The following CSNK1G1 variants were observed in gnomAD, a reference collection of about 807,000 sequenced individuals.
CSNK1G1 encodes the protein casein kinase 1 gamma 1.
In CSNK1G1, 22 loss-of-function variants were observed where a neutral mutation model predicts 59.6. The ratio of observed to expected loss-of-function variants is 0.37; its 90% CI spans 0.26 to 0.53. The LOEUF is 0.53. Among genes scored for constraint, CSNK1G1 ranks in the 20% least tolerant of loss-of-function variants. CSNK1G1 has a pLI of 0.89. For synonymous variants in CSNK1G1, 179 were observed against 177.1 expected, an observed-to-expected ratio of 1.01 and a Z score of -0.08; for missense variants, 384 against 519.5, an observed-to-expected ratio of 0.74 and a Z score of 2.54.
At chr15:64,201,271 C>CA (rs545719275) in intron 10 of CSNK1G1, among the ~76,000 whole-genome samples, 2,918 of 64,262 alleles carry the variant, frequency 0.045, 79 homozygotes, top group African/African-American at 0.06. Flanking sequence ...GACACTGTCT[C>CA]AAAAAAAAAA....
In CSNK1G1 at chr15:64,231,448, C is replaced by T. The variant is rs575806855; in HGVS notation, c.293-14735G>A. Among the ~76,000 whole-genome samples the T allele has an allele frequency of 9.9e-5, 14 of 141,810 alleles. No homozygotes were observed. The East Asian group carries it at 2.0e-3, about 20-fold the overall frequency. The allele number at this position is 141,810 out of a possible 152,430, so 93.0% of individuals were successfully genotyped here. On this transcript the variant is annotated intron_variant, in intron 4 of 11. Transcript: ENST00000303052. ...ATATATTAGGATATATATATATATA[C>T]ACACACACATATACATATATATATT...
In CSNK1G1 at chr15:64,251,481, T is replaced by C. The variant is rs748948494; in HGVS notation, c.292+31A>G. Reference sequence around the variant, plus strand: ...TAGGGCTTCCAGCTAAGATACATACTAAGTAAGTGGAGAGAAAAGACTTGA... The same window carrying C: ...TAGGGCTTCCAGCTAAGATACATACCAAGTAAGTGGAGAGAAAAGACTTGA... On this transcript the variant is annotated intron_variant, in intron 4 of 11. Transcript: ENST00000303052. 2 of 1,525,930 alleles carry C rather than the reference T, an allele frequency of 1.3e-6. No individual in the cohort carries two copies. The highest frequency in any genetic ancestry group is 1.8e-6 in the Non-Finnish European group (2 of 1,107,382). 94.5% of individuals were successfully genotyped at this position (1,525,930 alleles called of 1,614,324 possible).
intron 1 of CSNK1G1, among the ~76,000 whole-genome samples, chr15:64,354,479 T>C (rs1273351868): frequency 3.9e-5 from 6 of 152,256 alleles, no homozygotes; most frequent in Non-Finnish European, 8.8e-5. Flanking sequence ...CTATAAAATA[T>C]ATTTTGCTCA....
chr15:64,344,377 T>C (rs1897833240), intron 1 of CSNK1G1, among the ~76,000 whole-genome samples: 1 of 152,216 alleles, frequency 6.6e-6, no homozygotes. Context: ...CAGAATTCCA[T>C]TGTTGCTTTA....
At chr15:64,327,749 CA>C (rs1335204675) in intron 1 of CSNK1G1, among the ~76,000 whole-genome samples, 2 of 144,478 alleles carry the variant, frequency 1.4e-5, no homozygotes, top group Non-Finnish European at 3.0e-5. Flanking sequence ...ACATTCAAAC[CA>C]AAGGCAAAGA....
At chr15:64,333,684 C>T (rs1407404217) in intron 1 of CSNK1G1, among the ~76,000 whole-genome samples, 1 of 152,022 alleles carries the variant, frequency 6.6e-6, no homozygotes, top group Non-Finnish European at 1.5e-5. Context: ...TATTTGCTGT[C>T]TTCAAGAGGC....
chr15:64,347,609 A>G (rs1596305510), intron 1 of CSNK1G1, among the ~76,000 whole-genome samples: 1 of 150,496 alleles, frequency 6.6e-6, no homozygotes, highest in Non-Finnish European at 1.5e-5. Flanking sequence ...AGAAAGAAAC[A>G]AGGAAAGAAG....
chr15:64,181,578 C>G, intron 10 of CSNK1G1: 1 of 794,104 alleles, frequency 1.3e-6, no homozygotes, highest in Non-Finnish European at 1.9e-6. Context: ...AGTATAATAC[C>G]TAGCATAAAT....
intron 2 of CSNK1G1, among the ~76,000 whole-genome samples, chr15:64,282,548 G>A (rs1472056945): frequency 1.3e-5 from 2 of 152,118 alleles, no homozygotes; most frequent in Non-Finnish European, 2.9e-5. Flanking sequence ...CATATGAAAT[G>A]GAATCACAAA....
intron 2 of CSNK1G1, among the ~76,000 whole-genome samples, chr15:64,261,455 G>C (rs1347590326): frequency 3.3e-5 from 5 of 152,122 alleles, no homozygotes; most frequent in Non-Finnish European, 1.5e-5. Flanking sequence ...ACAAAAATTA[G>C]TTGGGGGTAG....
chr15:64,279,225 T>G (rs1893989155), intron 2 of CSNK1G1, among the ~76,000 whole-genome samples: 1 of 152,222 alleles, frequency 6.6e-6, no homozygotes, highest in Non-Finnish European at 1.5e-5. Flanking sequence ...TAACTACCAT[T>G]TGGAAAGAGA....
chr15:64,253,766 A>G (rs757786126), intron 3 of CSNK1G1, among the ~76,000 whole-genome samples: 5 of 152,246 alleles, frequency 3.3e-5, no homozygotes, highest in Non-Finnish European at 7.3e-5. Context: ...ATGCTACAAC[A>G]CGGGCAAACC....
chr15:64,188,477 T>A lies in CSNK1G1; in HGVS notation c.1108-8023A>T. On this transcript the variant is annotated intron_variant, in intron 10 of 11. Coordinates refer to ENST00000303052, the MANE Select transcript of CSNK1G1 (RefSeq NM_022048.5). The surrounding 1 kb of genome is among the most constrained non-coding windows in gnomAD (Gnocchi z 4.2). ...TTTCCCACTCTCCTCGGCGCTCTGA[T>A]GATACATTCTGCTTAGGCGTTAGAA... 6.5e-7 allele frequency: 1 copy of A among 1,535,974 alleles called. No individual in the cohort carries two copies. Among genetic ancestry groups the A allele is most frequent in the Non-Finnish European group, 8.7e-7 (1 of 1,146,772 alleles).
At chr15:64,183,721 ATTATCT>A (rs1233546350) in intron 10 of CSNK1G1, among the ~76,000 whole-genome samples, 2 of 151,594 alleles carry the variant, frequency 1.3e-5, no homozygotes, top group Non-Finnish European at 2.9e-5. Context: ...TTTAAACAAT[ATTATCT>A]TTATGTTTTT....
chr15:64,274,744 G>A (rs764140745), intron 2 of CSNK1G1, among the ~76,000 whole-genome samples: 8 of 152,050 alleles, frequency 5.3e-5, no homozygotes, highest in Admixed American at 2.6e-4. Flanking sequence ...AACATTCACC[G>A]TAAGCTTCAT....
intron 1 of CSNK1G1, among the ~76,000 whole-genome samples, chr15:64,339,141 T>C (rs1897557050): frequency 6.6e-6 from 1 of 152,170 alleles, no homozygotes; most frequent in Admixed American, 6.5e-5. Context: ...TACAGTCAAG[T>C]GAATGTAATC....
Position 64,188,466 on chromosome 15 carries a change from C to G in CSNK1G1, c.1108-8012G>C. On this transcript the variant is annotated intron_variant, in intron 10 of 11. Transcript: ENST00000303052. The surrounding 1 kb of genome is among the most constrained non-coding windows in gnomAD (Gnocchi z 4.2). ...GCTGGGCTGAATTTCCCACTCTCCT[C>G]GGCGCTCTGATGATACATTCTGCTT... 1 of 1,536,068 alleles carries G rather than the reference C, an allele frequency of 6.5e-7. No individual in the cohort carries two copies. Among genetic ancestry groups the G allele is most frequent in the Non-Finnish European group, 8.7e-7 (1 of 1,146,890 alleles).
chr15:64,206,914 A>C (rs1464956496), intron 7 of CSNK1G1, among the ~76,000 whole-genome samples: 1 of 152,202 alleles, frequency 6.6e-6, no homozygotes, highest in Non-Finnish European at 1.5e-5. Context: ...AATATTTTCC[A>C]AGTTTTCCTG....
chr15:64,184,267 C>A (rs2081859594), intron 10 of CSNK1G1, among the ~76,000 whole-genome samples: 1 of 151,986 alleles, frequency 6.6e-6, no homozygotes, highest in South Asian at 2.1e-4. Flanking sequence ...CATGCCACTG[C>A]ACTCCAGCCT....
Sources: gnomAD v4.1 joint callset for allele counts (sites outside exome capture counted in the v4.1 genomes callset) on GRCh38, gnomAD v4.1.1 for gene constraint, Gnocchi (gnomAD v3.1) non-coding constraint, MANE v1.5 for transcripts, NCBI Gene and HGNC (gene_info 2026-07-23, HGNC 2026-07-21) for gene names.